Variants in VPS54 observed in about 807,000 individuals in gnomAD.
VPS54 encodes the protein VPS54 subunit of GARP complex.
A neutral mutation model predicts 121.5 loss-of-function variants in VPS54; 45 were observed. The ratio of observed to expected loss-of-function variants is 0.37; its 90% CI spans 0.29 to 0.47. The LOEUF is 0.47. Among genes scored for constraint, VPS54 ranks in the 20% least tolerant of loss-of-function variants. The pLI is 0.99. For synonymous variants in VPS54, 371 were observed against 385.8 expected (o/e 0.96, Z 0.45); for missense variants, 1,090 against 1,131.4 (o/e 0.96, Z 0.52).
chr2:63,905,409 A>C (rs1672861866), intron 20 of VPS54, among the ~76,000 whole-genome samples: 1 of 152,154 alleles, frequency 6.6e-6, no homozygotes, highest in Non-Finnish European at 1.5e-5. Context: ...ATCATATACA[A>C]GTTAATGCTT....
intron 7 of VPS54, among the ~76,000 whole-genome samples, chr2:63,960,544 T>A (rs1293529113): frequency 1.3e-5 from 2 of 152,194 alleles, no homozygotes; most frequent in African/African-American, 2.4e-5. Context: ...AATTTGAGAA[T>A]TTGTGTTTGC....
intron 5 of VPS54, among the ~76,000 whole-genome samples, chr2:63,968,742 C>A (rs1676128979): frequency 7.1e-6 from 1 of 140,242 alleles, no homozygotes. Flanking sequence ...AACAGAAAAG[C>A]AGAAAGAAAA....
intron 12 of VPS54, among the ~76,000 whole-genome samples, chr2:63,924,590 A>AG (rs771371689): frequency 6.6e-5 from 10 of 152,176 alleles, no homozygotes; most frequent in Non-Finnish European, 1.0e-4. Context: ...AGGTTGAGAC[A>AG]GGAGGATCAC....
intron 11 of VPS54, among the ~76,000 whole-genome samples, chr2:63,941,893 G>T (rs904955298): frequency 6.6e-6 from 1 of 151,844 alleles, no homozygotes; most frequent in African/African-American, 2.4e-5. Flanking sequence ...AATTAGCCAG[G>T]CGTGGTGGCA....
intron 1 of VPS54, among the ~76,000 whole-genome samples, chr2:64,004,148 G>A (rs948455730): frequency 6.6e-6 from 1 of 151,554 alleles, no homozygotes; most frequent in Non-Finnish European, 1.5e-5. Flanking sequence ...TATGGAATAA[G>A]TAAAAATTAA....
At chr2:63,924,069 A>G (rs1246747723) in intron 12 of VPS54, among the ~76,000 whole-genome samples, 2 of 152,230 alleles carry the variant, frequency 1.3e-5, no homozygotes, top group Non-Finnish European at 2.9e-5. Context: ...GGAGGATGCA[A>G]TTGGGGAAAG....
Position 63,965,887 on chromosome 2 carries a change from G to A in VPS54, c.572C>T (p.Ala191Val), listed in dbSNP as rs1176889549. ...TGCATCACGATTTCCTTTTCCACCA[G>A]CAGTATTAAAATGAGACCATGGTAA... is the stretch of plus-strand genomic sequence containing the variant. ...SVLPWSHFNTAGGKGNRDAAS... is the reference protein window; with the variant it reads ...SVLPWSHFNTVGGKGNRDAAS... The change falls in exon 6 of 23, where the codon GCT (alanine) becomes GTT (valine). Residue 191 changes from alanine to valine, a missense_variant. Ala to Val is a moderately conservative substitution (Grantham distance 64). This residue lies in a region of VPS54 where 801 missense variants were observed against 757.0 expected (regional missense o/e 1.06). Coordinates refer to ENST00000272322, the MANE Select transcript of VPS54 (RefSeq NM_016516.3). 2.5e-6 allele frequency: 4 copies of A among 1,612,880 alleles called. No individual in the cohort carries two copies. The highest frequency in any genetic ancestry group is 3.4e-6 in the Non-Finnish European group (4 of 1,179,684).
At chr2:63,947,896 A>T (rs1483851153) in intron 8 of VPS54, among the ~76,000 whole-genome samples, 1 of 151,904 alleles carries the variant, frequency 6.6e-6, no homozygotes, top group Non-Finnish European at 1.5e-5. Flanking sequence ...GAGTGTAGTG[A>T]GGTGATTACA....
chr2:63,949,403 A>G (rs182799222), intron 7 of VPS54, among the ~76,000 whole-genome samples: 2 of 152,302 alleles, frequency 1.3e-5, no homozygotes, highest in East Asian at 3.9e-4. Context: ...GGCACCAAAC[A>G]CCAGTGCAAT....
chr2:63,897,712 T>G (rs969427100), intron 21 of VPS54, 122 bp from the exon 22 acceptor site: 1 of 577,556 alleles, frequency 1.7e-6, no homozygotes, highest in Non-Finnish European at 2.9e-6. Context: ...CATATACTTT[T>G]AAAATCCTCC....
At chr2:63,911,610 G>A (rs182014884) in intron 20 of VPS54, among the ~76,000 whole-genome samples, 2 of 152,272 alleles carry the variant, frequency 1.3e-5, no homozygotes, top group African/African-American at 4.8e-5. Flanking sequence ...GTGAGTGAAT[G>A]GACACCACTT....
At chr2:63,948,597 C>G (rs956791842) in intron 8 of VPS54, among the ~76,000 whole-genome samples, 1 of 151,724 alleles carries the variant, frequency 6.6e-6, no homozygotes, top group Non-Finnish European at 1.5e-5. Flanking sequence ...GATGGAGTCT[C>G]CCTGTGTTGC....
chr2:63,933,866 T>A lies in VPS54; in HGVS notation c.1546A>T (p.Met516Leu). 1 of 1,613,878 alleles carries A rather than the reference T, an allele frequency of 6.2e-7. No individual in the cohort carries two copies. Among genetic ancestry groups the A allele is most frequent in the African/African-American group, 1.3e-5 (1 of 75,034 alleles). Residue 516 changes from methionine to leucine, a missense_variant, in exon 12 of 23, where the codon ATG (methionine) becomes TTG (leucine). Met to Leu is a conservative substitution (Grantham distance 15, BLOSUM62 2). Transcript: ENST00000272322. ...TEVAYLIHEG[M>L]FISDAFGEGE... is the part of the protein sequence containing the mutation. ...TCACCGAATGCATCACTTATAAACA[T>A]GCCTTCATGGATTAAATAAGCCACC...
At chr2:63,925,041 A>G (rs1558995523) in intron 12 of VPS54, among the ~76,000 whole-genome samples, 2 of 152,232 alleles carry the variant, frequency 1.3e-5, no homozygotes, top group Admixed American at 1.3e-4. Flanking sequence ...CATAAATCAT[A>G]AAGGAAAGTA....
At chr2:63,961,985 T>C (rs556446911) in intron 7 of VPS54, 73 bp downstream of exon 7, 1 of 1,421,338 alleles carries the variant, frequency 7.0e-7, no homozygotes, top group African/African-American at 1.4e-5. Context: ...TTCACACTTT[T>C]AACATTACAT....
In VPS54 at chr2:63,933,784, T is replaced by G. The variant is rs1452202597; in HGVS notation, c.1628A>C (p.Asn543Thr). ...DTTSQRNASP[N>T]SEPCSSDSVS... ...AGAATCACTGCTGCAGGGCTCACTA[T>G]TTGGAGATGCATTTCTTTGAGAGGT... The change falls in exon 12 of 23, where the codon AAT becomes ACT. Residue 543 changes from asparagine (N) to threonine (T), a missense_variant. This residue lies in a region of VPS54 where 801 missense variants were observed against 757.0 expected (regional missense o/e 1.06). Coordinates refer to ENST00000272322, the MANE Select transcript of VPS54 (RefSeq NM_016516.3). 3 of 1,613,892 alleles carry G rather than the reference T, an allele frequency of 1.9e-6. No homozygotes were observed. In the Admixed American group the frequency reaches 5.0e-5, roughly 27 times the overall value.
chr2:63,988,364 G>A (rs1453919960), intron 1 of VPS54, among the ~76,000 whole-genome samples: 1 of 152,170 alleles, frequency 6.6e-6, no homozygotes, highest in Non-Finnish European at 1.5e-5. Context: ...TGGTCATGAT[G>A]AATAATATTT....
intron 1 of VPS54, among the ~76,000 whole-genome samples, chr2:63,992,865 T>C (rs1677394282): frequency 6.6e-6 from 1 of 152,266 alleles, no homozygotes; most frequent in Non-Finnish European, 1.5e-5. Flanking sequence ...TTTGCTTTTA[T>C]TGTACCATCT....
chr2:63,962,259 G>A lies in VPS54; in HGVS notation c.809C>T (p.Ser270Leu). The change falls in exon 7 of 23, where the codon TCA becomes TTA. Residue 270 changes from serine (S) to leucine (L), a missense_variant. By Grantham distance (145) the Ser-to-Leu change is moderately radical. Around this residue, in one of 2 missense-constraint regions of VPS54, gnomAD observed 801 missense variants for 757.0 expected, o/e 1.06. Coordinates refer to ENST00000272322, the MANE Select transcript of VPS54 (RefSeq NM_016516.3). Reference protein sequence around the residue: ...AQIDKVMCEGSLHILRLALTR... With the variant: ...AQIDKVMCEGLLHILRLALTR... ...AAGTGCCAGTCTTAAAATGTGGAGT[G>A]ATCCTTCACACATTACTTTATCAAT... is the stretch of plus-strand genomic sequence containing the variant. 6.2e-7 allele frequency: 1 copy of A among 1,613,996 alleles called. No homozygotes were observed.
Sources: gnomAD v4.1 joint callset for allele counts (sites outside exome capture counted in the v4.1 genomes callset) on GRCh38, gnomAD v4.1.1 for gene constraint, gnomAD v4.1.1 regional missense constraint, MANE v1.5 for transcripts, NCBI Gene and HGNC (gene_info 2026-07-23, HGNC 2026-07-21) for gene names.